Variants in DMD observed in about 807,000 individuals in gnomAD.
DMD encodes mutant dystrophin.
Under a neutral mutation model 330.1 loss-of-function variants are expected in DMD, and 63 were observed. The ratio of observed to expected loss-of-function variants is 0.19; its 90% CI spans 0.16 to 0.24. The LOEUF (loss-of-function observed/expected upper bound fraction) is 0.24. Among genes scored for constraint, DMD ranks in the 10% least tolerant of loss-of-function variants. The probability of loss-of-function intolerance (pLI) is 1.00; values close to 1 mark genes in which losing one functional copy is unlikely to be tolerated. For synonymous variants in DMD, 1,223 were observed against 959.8 expected (o/e 1.27, Z -5.07); for missense variants, 3,344 against 2,684.1 (o/e 1.25, Z -5.43).
chrX:32,416,118 G>A (rs939270980), intron 29 of DMD, among the ~76,000 whole-genome samples: 8 of 111,514 alleles, frequency 7.2e-5, no homozygotes, highest in Admixed American at 2.9e-4. Flanking sequence ...ATAAAAAACC[G>A]AATATTGAAA....
intron 1 of DMD, among the ~76,000 whole-genome samples, chrX:33,254,959 T>G (rs1335396746): frequency 9.0e-6 from 1 of 111,010 alleles, no homozygotes; most frequent in Non-Finnish European, 1.9e-5. Flanking sequence ...CATTTTATTT[T>G]CTTATATATT....
intron 2 of DMD, among the ~76,000 whole-genome samples, chrX:32,889,925 C>T (rs2085034035): frequency 9.0e-6 from 1 of 111,128 alleles, no homozygotes; most frequent in African/African-American, 3.3e-5. Context: ...GACAAAACCC[C>T]AGAGAAAGGG....
chrX:32,023,073 C>G (rs917850930), intron 44 of DMD, among the ~76,000 whole-genome samples: 2 of 110,675 alleles, frequency 1.8e-5, no homozygotes, highest in Non-Finnish European at 3.8e-5. Context: ...CCTCATGATC[C>G]GCCCGCCTCG....
At chrX:32,155,369 A>G in intron 44 of DMD, 1 of 749,573 alleles carries the variant, frequency 1.3e-6, no homozygotes. Context: ...ACACTTGCCT[A>G]CCTTAATAAG....
rs57786574 is a variant in DMD, at chrX:32,298,514, C to CATAT, written c.6118-10817_6118-10814dup. ...TACTTCTAAGTGAATATATAAAAGG[C>CATAT]ATATATATATATGTCATGATTCAGG... is the stretch of plus-strand genomic sequence containing the variant. On this transcript the variant is annotated intron_variant, in intron 42 of 78. Coordinates refer to ENST00000357033, the MANE Select transcript of DMD (RefSeq NM_004006.3). 1.4e-3 allele frequency among the ~76,000 whole-genome samples: 142 copies of CATAT among 104,512 alleles called. 1 individual carries two copies. Among genetic ancestry groups the CATAT allele is most frequent in the African/African-American group, 4.9e-3 (128 of 26,193 alleles). The allele number at this position is 104,512 out of a possible 115,157, so 90.8% of individuals were successfully genotyped here. A position where few individuals can be genotyped will look rare whatever the true frequency, so the allele number is the denominator to read the frequency against.
intron 7 of DMD, among the ~76,000 whole-genome samples, chrX:32,742,952 T>A (rs2069493602): frequency 9.0e-6 from 1 of 111,689 alleles, no homozygotes; most frequent in Admixed American, 9.5e-5. Flanking sequence ...GAGATCACAC[T>A]GCTAGTAAAT....
At chrX:32,915,871 T>A (rs2087750975) in intron 2 of DMD, among the ~76,000 whole-genome samples, 1 of 111,710 alleles carries the variant, frequency 9.0e-6, no homozygotes, top group South Asian at 3.8e-4. Flanking sequence ...ATTCTTAAAC[T>A]TCATGGGTAT....
chrX:31,869,705 C>T (rs1424908710), intron 48 of DMD, among the ~76,000 whole-genome samples: 3 of 109,832 alleles, frequency 2.7e-5, no homozygotes, highest in African/African-American at 9.9e-5. Flanking sequence ...CTATAAACTA[C>T]AAAGGACTCA....
intron 2 of DMD, among the ~76,000 whole-genome samples, chrX:32,974,679 CAG>C (rs1182317419): frequency 1.8e-5 from 2 of 111,376 alleles, no homozygotes; most frequent in East Asian, 5.7e-4. Flanking sequence ...AACAAACAAA[CAG>C]TAGCAATAAT....
intron 1 of DMD, among the ~76,000 whole-genome samples, chrX:33,130,771 G>A (rs1300860092): frequency 1.8e-5 from 2 of 110,468 alleles, no homozygotes; most frequent in East Asian, 2.9e-4. Flanking sequence ...GGCTGGTCTC[G>A]GACTCCCGAC....
Position 33,069,116 on chromosome X carries a change from C to T in DMD, c.32-48916G>A, listed in dbSNP as rs778438885. On this transcript the variant is annotated intron_variant, in intron 1 of 78. Coordinates refer to ENST00000357033, the MANE Select transcript of DMD (RefSeq NM_004006.3). ...ATTATTTTATGTAAACTAATAAAAA[C>T]GTTGGTGCTAATTGCTTTACACATT... Among the ~76,000 whole-genome samples, 11 of 111,717 alleles carry T rather than the reference C, an allele frequency of 9.8e-5. No individual in the cohort carries two copies. The South Asian group carries it at 1.5e-3, about 15-fold the overall frequency.
chrX:32,588,770 G>T (rs993029596), intron 13 of DMD, among the ~76,000 whole-genome samples: 1 of 111,819 alleles, frequency 8.9e-6, no homozygotes, highest in Non-Finnish European at 1.9e-5. Flanking sequence ...TACAAGATAA[G>T]GTTGAGAAAT....
intron 47 of DMD, among the ~76,000 whole-genome samples, chrX:31,880,847 TTGATAA>T (rs2094051395): frequency 8.9e-6 from 1 of 112,629 alleles, no homozygotes; most frequent in Admixed American, 9.4e-5. Flanking sequence ...TATGCAATAC[TTGATAA>T]TGATAATAAA....
intron 1 of DMD, among the ~76,000 whole-genome samples, chrX:33,303,277 T>C (rs895681354): frequency 8.9e-6 from 1 of 111,754 alleles, no homozygotes; most frequent in Non-Finnish European, 1.9e-5. Context: ...TATTTTACAT[T>C]TTAAAATTTT....
At chrX:32,330,373 G>C (rs1272043073) in intron 41 of DMD, among the ~76,000 whole-genome samples, 1 of 111,852 alleles carries the variant, frequency 8.9e-6, no homozygotes, top group Non-Finnish European at 1.9e-5. Flanking sequence ...TTATTCATCT[G>C]TTCTCAGAAT....
chrX:33,081,570 C>T (rs2094930338), intron 1 of DMD, among the ~76,000 whole-genome samples: 1 of 112,260 alleles, frequency 8.9e-6, no homozygotes, highest in South Asian at 3.7e-4. Context: ...ATTACAAGCA[C>T]GAGCCACGGC....
chrX:32,576,057 T>A lies in DMD; in HGVS notation c.1603-2211A>T, dbSNP rs1311092757. Among the ~76,000 whole-genome samples, 5 of 111,291 alleles carry A rather than the reference T, an allele frequency of 4.5e-5. No homozygotes were observed. In the East Asian group the frequency reaches 1.4e-3, roughly 31 times the overall value. On this transcript the variant is annotated intron_variant, in intron 13 of 78. Transcript: ENST00000357033. ...TCCAGGTTGTATAACATTTTCAAAT[T>A]TATTGAAATTCTGAGATGTACTAAT...
At chrX:32,213,403 T>C (rs974140864) in intron 44 of DMD, among the ~76,000 whole-genome samples, 1 of 112,631 alleles carries the variant, frequency 8.9e-6, no homozygotes, top group Non-Finnish European at 1.9e-5. Context: ...ATTTTACCCA[T>C]TTTACGATAA....
intron 9 of DMD, among the ~76,000 whole-genome samples, chrX:32,670,396 A>G (rs1354143358): frequency 8.9e-6 from 1 of 112,111 alleles, no homozygotes; most frequent in Non-Finnish European, 1.9e-5. Flanking sequence ...GCCAGAAGAC[A>G]TAACTTAGAA....
Sources: allele counts gnomAD v4.1 joint callset (sites outside exome capture counted in the v4.1 genomes callset), GRCh38; gene constraint gnomAD v4.1.1; transcripts MANE v1.5; gene names NCBI Gene and HGNC (gene_info 2026-07-23, HGNC 2026-07-21).